Variants in SHLD2 observed in about 807,000 individuals in gnomAD.
SHLD2 encodes the protein shieldin complex subunit 2.
In SHLD2, 30 loss-of-function variants were observed where a neutral mutation model predicts 73.2. That is an observed-to-expected ratio of 0.41 (90% CI 0.31 to 0.56). The LOEUF (loss-of-function observed/expected upper bound fraction) is 0.56, where lower values mean the gene tolerates loss of function less well. Among genes scored for constraint, SHLD2 ranks in the 20% least tolerant of loss-of-function variants. The probability of loss-of-function intolerance (pLI) is 0.28; values close to 1 mark genes in which losing one functional copy is unlikely to be tolerated. For missense variants in SHLD2, 745 were observed against 1,055.9 expected (o/e 0.71, Z 4.08); for synonymous variants, 285 against 370.1 (o/e 0.77, Z 2.64).
intron 2 of SHLD2, among the ~76,000 whole-genome samples, chr10:87,133,881 A>G (rs1001308633): frequency 6.6e-5 from 10 of 152,258 alleles, no homozygotes; most frequent in Non-Finnish European, 5.9e-5. Context: ...AAAGAATCAT[A>G]TTTGCTCCCT....
rs1449294064 is a variant in SHLD2, at chr10:87,190,929, G to A, written c.*246G>A. The stretch of plus-strand genomic sequence containing the variant: ...AATGATCTACCAGTCAAGGCAATAT[G>A]TAGCAGATCCCTGGGAATTAAAGGT... On this transcript the variant is annotated 3_prime_UTR_variant, in exon 10 of 10. Transcript: ENST00000298786. 5.8e-6 allele frequency: 3 copies of A among 520,550 alleles called. No individual in the cohort carries two copies. Among genetic ancestry groups the A allele is most frequent in the East Asian group, 6.9e-5 (2 of 28,940 alleles). 32.2% of individuals were successfully genotyped at this position (520,550 alleles called of 1,614,324 possible).
rs1849011665 is a variant in SHLD2, at chr10:87,190,626, C to T, written c.2658C>T (p.Phe886=). 3.1e-6 allele frequency: 5 copies of T among 1,611,982 alleles called. No homozygotes were observed. The East Asian group carries it at 1.1e-4, about 36-fold the overall frequency. Residue 886 remains phenylalanine, a synonymous_variant, in exon 10 of 10, where the codon TTC becomes TTT. Coordinates refer to ENST00000298786, the MANE Select transcript of SHLD2 (RefSeq NM_001330112.2). ...DENSYPLQQD[F]SLLDFYPDIV... is the part of the protein sequence containing the mutation. ...ACAGCTATCCATTACAACAAGATTT[C>T]TCCCTCCTGGATTTTTATCCTGACA... is the stretch of plus-strand genomic sequence containing the variant.
intron 5 of SHLD2, 59 bp downstream of exon 5, chr10:87,170,731 A>G: frequency 6.5e-7 from 1 of 1,544,834 alleles, no homozygotes. Flanking sequence ...ATACAAGACC[A>G]TCTTAGTGTA....
At chr10:87,171,116 C>A in intron 6 of SHLD2, 142 bp downstream of exon 6, 2 of 611,416 alleles carry the variant, frequency 3.3e-6, no homozygotes, top group East Asian at 2.8e-5. Context: ...CTGCAAATTT[C>A]TTCTGTTAAA....
chr10:87,139,998 G>C (rs1377022691), intron 2 of SHLD2, among the ~76,000 whole-genome samples: 1 of 151,832 alleles, frequency 6.6e-6, no homozygotes, highest in Non-Finnish European at 1.5e-5. Context: ...AGCACAAAGA[G>C]AAAAAAAATA....
intron 2 of SHLD2, among the ~76,000 whole-genome samples, chr10:87,120,724 G>C (rs7920837): frequency 0.67 from 102,151 of 151,950 alleles, 34,893 homozygotes; most frequent in East Asian, 0.84. Context: ...TAATGTTTGC[G>C]AAGTAAACTG....
At chr10:87,109,928 T>G (rs982238397) in intron 2 of SHLD2, among the ~76,000 whole-genome samples, 2 of 152,200 alleles carry the variant, frequency 1.3e-5, no homozygotes, top group African/African-American at 4.8e-5. Context: ...CACACACACA[T>G]TTGAGTTCAA....
chr10:87,186,727 A>G (rs1326319143), intron 8 of SHLD2, among the ~76,000 whole-genome samples: 1 of 152,232 alleles, frequency 6.6e-6, no homozygotes. Context: ...TTCTGATAGG[A>G]AAGAATTCAG....
At chr10:87,120,386 T>C (rs988475175) in intron 2 of SHLD2, among the ~76,000 whole-genome samples, 2 of 152,004 alleles carry the variant, frequency 1.3e-5, no homozygotes, top group Non-Finnish European at 2.9e-5. Context: ...TAGCTGGGAA[T>C]ACAGGTGCCC....
intron 4 of SHLD2, among the ~76,000 whole-genome samples, chr10:87,167,037 GATAGA>G (rs1209889409): frequency 6.6e-6 from 1 of 151,856 alleles, no homozygotes; most frequent in African/African-American, 2.4e-5. Context: ...TGTATATGTT[GATAGA>G]ATAGAAGGGG....
intron 6 of SHLD2, among the ~76,000 whole-genome samples, chr10:87,172,499 G>A (rs1197220790): frequency 2.0e-5 from 3 of 152,060 alleles, no homozygotes; most frequent in African/African-American, 7.2e-5. Flanking sequence ...CCAAAAATGT[G>A]TATGTTCATT....
At chr10:87,181,079 TTGAATTAAGA>T (rs983775223) in intron 8 of SHLD2, among the ~76,000 whole-genome samples, 24 of 151,818 alleles carry the variant, frequency 1.6e-4, no homozygotes. Flanking sequence ...GAAAAGAAGA[TTGAATTAAGA>T]TGTATGGTAG....
At chr10:87,127,541 C>CCCG (rs1554829078) in intron 2 of SHLD2, among the ~76,000 whole-genome samples, 85 of 82,094 alleles carry the variant, frequency 1.0e-3, no homozygotes, top group African/African-American at 1.7e-3. Context: ...CCCCCCCCAC[C>CCCG]CCGTCTGCCA....
chr10:87,120,526 C>T (rs1258007595), intron 2 of SHLD2, among the ~76,000 whole-genome samples: 4 of 151,642 alleles, frequency 2.6e-5, no homozygotes, highest in Admixed American at 2.0e-4. Flanking sequence ...GGATTACAGG[C>T]GTGAACCACC....
At chr10:87,149,512 CA>C (rs932322857) in intron 2 of SHLD2, among the ~76,000 whole-genome samples, 9 of 151,806 alleles carry the variant, frequency 5.9e-5, no homozygotes, top group Non-Finnish European at 7.4e-5. Flanking sequence ...CACTTGAGGT[CA>C]GGAGTTTGCG....
chr10:87,158,030 C>T lies in SHLD2; in HGVS notation c.1526-18C>T, dbSNP rs3129496. 7 of 1,605,804 alleles carry T rather than the reference C, an allele frequency of 4.4e-6. No homozygotes were observed. Among genetic ancestry groups the T allele is most frequent in the East Asian group, 2.2e-5 (1 of 44,690 alleles). On this transcript the variant is annotated intron_variant, in intron 3 of 9. Coordinates refer to ENST00000298786, the MANE Select transcript of SHLD2 (RefSeq NM_001330112.2). The stretch of plus-strand genomic sequence containing the variant: ...GAAGGAATTTATGGCATGATCAGAA[C>T]GTTTTTTCTCTCTCTAGATGTTGTT...
intron 2 of SHLD2, among the ~76,000 whole-genome samples, chr10:87,134,205 A>C (rs1231612821): frequency 6.6e-6 from 1 of 152,222 alleles, no homozygotes; most frequent in Non-Finnish European, 1.5e-5. Context: ...AGATATTGCC[A>C]TTCTTGTAAC....
chr10:87,166,979 G>A (rs1229778065), intron 4 of SHLD2, among the ~76,000 whole-genome samples: 1 of 149,626 alleles, frequency 6.7e-6, no homozygotes, highest in Non-Finnish European at 1.5e-5. Flanking sequence ...GTGTGTGTGT[G>A]TGTATAAATG....
At chr10:87,142,721 T>G (rs1337188694) in intron 2 of SHLD2, among the ~76,000 whole-genome samples, 1 of 151,878 alleles carries the variant, frequency 6.6e-6, no homozygotes, top group Non-Finnish European at 1.5e-5. Context: ...AGTATGACTT[T>G]TCACAAAGGA....
Sources: gnomAD v4.1 joint callset for allele counts (sites outside exome capture counted in the v4.1 genomes callset) on GRCh38, gnomAD v4.1.1 for gene constraint, MANE v1.5 for transcripts, NCBI Gene and HGNC (gene_info 2026-07-23, HGNC 2026-07-21) for gene names.